PDE4D: variants seen among roughly 807,000 people sequenced by gnomAD.
PDE4D encodes 3',5'-cyclic-AMP phosphodiesterase 4D.
PDE4D carries 24 observed loss-of-function variants against 87.4 expected under a neutral mutation model. The ratio of observed to expected loss-of-function variants is 0.27; its 90% CI spans 0.20 to 0.39. The LOEUF (loss-of-function observed/expected upper bound fraction) is 0.39, where lower values mean the gene tolerates loss of function less well. Ranked by LOEUF, PDE4D falls within the 10% of genes least tolerant of loss-of-function variation. The pLI, the probability that PDE4D is intolerant of heterozygous loss-of-function variation, is 1.00. For missense variants in PDE4D, 714 were observed against 1,041.0 expected, an observed-to-expected ratio of 0.69 and a Z score of 4.32; for synonymous variants, 384 against 383.2, an observed-to-expected ratio of 1.00 and a Z score of -0.02.
At chr5:59,616,941 A>ATATATATATATATATATATATATATC (rs1278960416) in intron 1 of PDE4D, among the ~76,000 whole-genome samples, 5 of 137,742 alleles carry the variant, frequency 3.6e-5, no homozygotes, top group Admixed American at 1.5e-4. Context: ...ATATATATAT[A>ATATATATATATATATATATATATATC]TATATCTCCA....
chr5:59,418,053 C>T (rs1164439886), intron 1 of PDE4D, among the ~76,000 whole-genome samples: 1 of 152,122 alleles, frequency 6.6e-6, no homozygotes. Context: ...GTATTAGTTA[C>T]CACCTTATTA....
At chr5:60,289,881 T>C (rs1229594043) in intron 1 of PDE4D, among the ~76,000 whole-genome samples, 1 of 152,238 alleles carries the variant, frequency 6.6e-6, no homozygotes, top group Non-Finnish European at 1.5e-5. Flanking sequence ...TTAGAGACAC[T>C]GCAATTTTGA....
chr5:59,885,865 A>G (rs1356761651), intron 1 of PDE4D, among the ~76,000 whole-genome samples: 3 of 152,126 alleles, frequency 2.0e-5, no homozygotes, highest in Non-Finnish European at 1.5e-5. Context: ...CTCTTGTTTC[A>G]TTACATTACA....
At chr5:59,722,738 T>C (rs1444907417) in intron 1 of PDE4D, among the ~76,000 whole-genome samples, 1 of 152,146 alleles carries the variant, frequency 6.6e-6, no homozygotes, top group Non-Finnish European at 1.5e-5. Context: ...TAAGAAACAA[T>C]GTTATATGTT....
chr5:59,251,582 T>G (rs1042829566), intron 1 of PDE4D, among the ~76,000 whole-genome samples: 1 of 151,980 alleles, frequency 6.6e-6, no homozygotes, highest in Non-Finnish European at 1.5e-5. Context: ...TTGGTGGGAG[T>G]GTAAATTAGT....
At chr5:59,032,449 A>G (rs1275856637) in intron 6 of PDE4D, among the ~76,000 whole-genome samples, 2 of 152,086 alleles carry the variant, frequency 1.3e-5, no homozygotes, top group Admixed American at 1.3e-4. Flanking sequence ...GCATGGTGGC[A>G]TGCGCCTGTA....
chr5:59,977,890 G>C (rs1761501296), intron 3 of PDE4D, among the ~76,000 whole-genome samples: 1 of 152,164 alleles, frequency 6.6e-6, no homozygotes, highest in Non-Finnish European at 1.5e-5. Flanking sequence ...TTTGAGAATT[G>C]TGCTAAATCT....
At chr5:59,571,180 CT>C (rs1821786510) in intron 1 of PDE4D, among the ~76,000 whole-genome samples, 1 of 152,142 alleles carries the variant, frequency 6.6e-6, no homozygotes, top group South Asian at 2.1e-4. Flanking sequence ...CATCATTTGG[CT>C]GACGTAAAGC....
At chr5:59,507,679 A>AAAAAG (rs557621145) in intron 1 of PDE4D, among the ~76,000 whole-genome samples, 3,067 of 117,998 alleles carry the variant, frequency 0.026, 88 homozygotes, top group African/African-American at 0.032. Flanking sequence ...AAAAAAAAAA[A>AAAAAG]AAAAGAAAAG....
chr5:60,497,698 C>T (rs895400276), intron 1 of PDE4D, among the ~76,000 whole-genome samples: 1 of 152,258 alleles, frequency 6.6e-6, no homozygotes, highest in African/African-American at 2.4e-5. Flanking sequence ...TCATGGGGCA[C>T]ACCAGCCACC....
chr5:59,229,901 T>C (rs1240073541), intron 1 of PDE4D, among the ~76,000 whole-genome samples: 4 of 152,060 alleles, frequency 2.6e-5, no homozygotes, highest in Non-Finnish European at 5.9e-5. Context: ...CGCGTTCAAG[T>C]GATTCTCCTG....
rs886060703 is a variant in PDE4D at position 58,970,151 on chromosome 5, G to A, written c.*4513C>T. On this transcript the variant is annotated 3_prime_UTR_variant, in exon 15 of 15. Transcript: ENST00000340635. Reference sequence around the variant, plus strand: ...GGTATTGATGTACAGTACTATCCCCGTGGGCTGTAAGAGAGGCTAAGAAAC... The same window carrying A: ...GGTATTGATGTACAGTACTATCCCCATGGGCTGTAAGAGAGGCTAAGAAAC... 4.6e-5 allele frequency: 7 copies of A among 152,024 alleles called. No homozygotes were observed. The highest frequency in any genetic ancestry group is 7.4e-5 in the Non-Finnish European group (5 of 67,994). 9.4% of individuals were successfully genotyped at this position (152,024 alleles called of 1,614,324 possible). A position where few individuals can be genotyped will look rare whatever the true frequency, so the allele number is the denominator to read the frequency against.
At chr5:60,327,531 C>A (rs1756913681) in intron 1 of PDE4D, among the ~76,000 whole-genome samples, 1 of 152,152 alleles carries the variant, frequency 6.6e-6, no homozygotes, top group Admixed American at 6.5e-5. Context: ...ATGGCATATT[C>A]TGGGGTGCAT....
intron 1 of PDE4D, among the ~76,000 whole-genome samples, chr5:59,886,152 T>C (rs916920452): frequency 2.0e-5 from 3 of 152,200 alleles, no homozygotes; most frequent in African/African-American, 7.2e-5. Flanking sequence ...CTGTGCAAGG[T>C]CCTAACATAC....
intron 1 of PDE4D, among the ~76,000 whole-genome samples, chr5:59,655,780 C>A (rs1461262072): frequency 6.6e-6 from 1 of 152,096 alleles, no homozygotes. Flanking sequence ...CACCTTAGAG[C>A]ATTTAAGTTA....
intron 1 of PDE4D, among the ~76,000 whole-genome samples, chr5:59,448,625 T>C (rs1295676341): frequency 6.6e-6 from 1 of 152,166 alleles, no homozygotes; most frequent in African/African-American, 2.4e-5. Context: ...TAGAATAATG[T>C]AGTAGAATGT....
chr5:60,112,882 C>T (rs1054688537), intron 2 of PDE4D, among the ~76,000 whole-genome samples: 2 of 152,044 alleles, frequency 1.3e-5, no homozygotes, highest in Non-Finnish European at 2.9e-5. Flanking sequence ...TTCTGTAACG[C>T]CATCCAAAAT....
rs199821450 is a variant in PDE4D, at chr5:59,400,050, G to T, written c.456-184082C>A. ...ACAATGAGATACCATCTCACACCAG[G>T]TAGAATGGCAATCATTCAAAAGTCA... On this transcript the variant is annotated intron_variant, in intron 1 of 14. Coordinates refer to ENST00000340635, the MANE Select transcript of PDE4D (RefSeq NM_001104631.2). Among the ~76,000 whole-genome samples, 12 of 114,716 alleles carry T rather than the reference G, an allele frequency of 1.0e-4. 1 individual carries two copies. Among genetic ancestry groups the T allele is most frequent in the East Asian group, 2.8e-4 (1 of 3,546 alleles). The allele number at this position is 114,716 out of a possible 152,430, so 75.3% of individuals were successfully genotyped here.
intron 2 of PDE4D, among the ~76,000 whole-genome samples, chr5:59,998,410 C>T (rs1420510212): frequency 6.6e-6 from 1 of 152,010 alleles, no homozygotes; most frequent in Non-Finnish European, 1.5e-5. Context: ...GTAAAATATG[C>T]AAAAGGCTTT....
Sources: allele counts gnomAD v4.1 joint callset (sites outside exome capture counted in the v4.1 genomes callset), GRCh38; gene constraint gnomAD v4.1.1; transcripts MANE v1.5; gene names NCBI Gene and HGNC (gene_info 2026-07-23, HGNC 2026-07-21).